The following ATP8B4 variants were observed in gnomAD, a reference collection of about 807,000 sequenced individuals.
ATP8B4 encodes probable phospholipid-transporting ATPase IM.
In ATP8B4, 133 loss-of-function variants were observed where a neutral mutation model predicts 145.6. The ratio of observed to expected loss-of-function variants is 0.91; its 90% CI spans 0.79 to 1.05. The LOEUF (loss-of-function observed/expected upper bound fraction) is 1.05. ATP8B4 is among the 50% of genes least tolerant of loss of function. The pLI, the probability that ATP8B4 is intolerant of heterozygous loss-of-function variation, is 0.00. For missense variants in ATP8B4, 1,458 were observed against 1,425.2 expected, an observed-to-expected ratio of 1.02 and a Z score of -0.37; for synonymous variants, 507 against 492.9, an observed-to-expected ratio of 1.03 and a Z score of -0.38.
At chr15:49,993,213 G>A (rs2047172003) in intron 9 of ATP8B4, among the ~76,000 whole-genome samples, 1 of 151,892 alleles carries the variant, frequency 6.6e-6, no homozygotes, top group South Asian at 2.1e-4. Flanking sequence ...TAAAAACAAA[G>A]ATAAAGAATG....
chr15:49,996,957 T>C (rs1033345125), intron 8 of ATP8B4, among the ~76,000 whole-genome samples, 198 bp from the exon 9 acceptor site: 3 of 152,158 alleles, frequency 2.0e-5, no homozygotes, highest in Non-Finnish European at 4.4e-5. Flanking sequence ...GTTGGCATTC[T>C]ACCCACGGCA....
chr15:49,989,922 T>C (rs537029712), intron 9 of ATP8B4, among the ~76,000 whole-genome samples: 56 of 152,274 alleles, frequency 3.7e-4, no homozygotes, highest in African/African-American at 1.3e-3. Context: ...TATTATACTA[T>C]CTACATAATA....
chr15:50,086,607 T>C (rs2055113607), intron 2 of ATP8B4, among the ~76,000 whole-genome samples: 1 of 115,612 alleles, frequency 8.6e-6, no homozygotes, highest in African/African-American at 3.8e-5. Flanking sequence ...TCTATATTTA[T>C]TATATATAAT....
At chr15:49,940,854 TA>T (rs2042110535) in intron 14 of ATP8B4, among the ~76,000 whole-genome samples, 1 of 152,158 alleles carries the variant, frequency 6.6e-6, no homozygotes, top group Non-Finnish European at 1.5e-5. Context: ...AATTGGTCAA[TA>T]ACATTTAGAT....
At chr15:49,953,850 C>T (rs1599394413) in intron 14 of ATP8B4, among the ~76,000 whole-genome samples, 1 of 152,270 alleles carries the variant, frequency 6.6e-6, no homozygotes, top group East Asian at 1.9e-4. Flanking sequence ...GTGGGTTGCA[C>T]AGTTCTGTGG....
At chr15:50,087,437 C>A (rs2055290670) in intron 2 of ATP8B4, among the ~76,000 whole-genome samples, 3 of 145,576 alleles carry the variant, frequency 2.1e-5, no homozygotes, top group Non-Finnish European at 4.5e-5. Context: ...ATATTTGATA[C>A]ATAATATATA....
chr15:49,925,213 TATAAGC>T (rs1327598556), intron 16 of ATP8B4, among the ~76,000 whole-genome samples: 14 of 152,116 alleles, frequency 9.2e-5, no homozygotes, highest in African/African-American at 3.4e-4. Context: ...AAATCTAACA[TATAAGC>T]ATAAATAACA....
intron 27 of ATP8B4, among the ~76,000 whole-genome samples, chr15:49,861,465 T>C (rs1279714568): frequency 7.5e-5 from 11 of 147,026 alleles, no homozygotes; most frequent in African/African-American, 2.7e-4. Context: ...TATCTATCTA[T>C]CTATCTATCT....
intron 26 of ATP8B4, among the ~76,000 whole-genome samples, chr15:49,864,628 G>T (rs933605646): frequency 3.3e-5 from 5 of 152,096 alleles, no homozygotes; most frequent in African/African-American, 9.7e-5. Context: ...ATAGACCAGA[G>T]GTATACTCTT....
chr15:50,047,438 A>G lies in ATP8B4; in HGVS notation c.114T>C (p.Tyr38=). 3 of 1,588,220 alleles carry G rather than the reference A, an allele frequency of 1.9e-6. No individual in the cohort carries two copies. The highest frequency in any genetic ancestry group is 2.6e-6 in the Non-Finnish European group (3 of 1,156,566). ...TAATTGGCAAGAAGGTGAGAATATT[A>G]TATTTCGATGTGTGGATACGATTAT... is the stretch of plus-strand genomic sequence containing the variant. The part of the protein sequence containing the change: ...YADNRIHTSK[Y]NILTFLPINL... The change falls in exon 4 of 28, where the codon TAT becomes TAC. Residue 38 remains tyrosine (Y), a synonymous_variant. Coordinates refer to ENST00000284509, the MANE Select transcript of ATP8B4 (RefSeq NM_024837.4).
At chr15:50,138,003 C>T (rs1007604503) in intron 1 of ATP8B4, among the ~76,000 whole-genome samples, 5 of 152,144 alleles carry the variant, frequency 3.3e-5, no homozygotes, top group African/African-American at 7.2e-5. Context: ...ACCTGCCAAC[C>T]GTAATGCTCA....
intron 1 of ATP8B4, among the ~76,000 whole-genome samples, chr15:50,149,283 CAA>C (rs1179865435): frequency 1.3e-5 from 2 of 152,186 alleles, no homozygotes; most frequent in African/African-American, 4.8e-5. Context: ...ACACAGAAGA[CAA>C]GAGAGAGTAA....
At chr15:49,979,524 C>T in intron 12 of ATP8B4, 93 bp downstream of exon 12, 2 of 1,044,202 alleles carry the variant, frequency 1.9e-6, no homozygotes, top group Non-Finnish European at 2.6e-6. Flanking sequence ...AAGAGCAAGA[C>T]ATCTATTGCA....
intron 8 of ATP8B4, among the ~76,000 whole-genome samples, chr15:50,000,812 T>C (rs2047826513): frequency 6.6e-6 from 1 of 152,184 alleles, no homozygotes; most frequent in South Asian, 2.1e-4. Flanking sequence ...CTCCTATTTT[T>C]TTCCTCAAAG....
intron 8 of ATP8B4, among the ~76,000 whole-genome samples, chr15:50,001,930 A>T (rs1204865393): frequency 6.6e-6 from 1 of 152,166 alleles, no homozygotes; most frequent in Admixed American, 6.5e-5. Flanking sequence ...TCTCTGTGTA[A>T]AGTTATTCCT....
chr15:50,044,004 T>C (rs1005126312), intron 5 of ATP8B4, among the ~76,000 whole-genome samples: 5 of 150,710 alleles, frequency 3.3e-5, no homozygotes, highest in African/African-American at 9.8e-5. Context: ...AAATATAACA[T>C]ACAAAATATG....
chr15:50,181,649 G>A (rs754199040), intron 1 of ATP8B4, among the ~76,000 whole-genome samples: 8 of 152,238 alleles, frequency 5.3e-5, no homozygotes, highest in Non-Finnish European at 1.0e-4. Flanking sequence ...GGCTTGGGAT[G>A]AGCTGGACGT....
intron 14 of ATP8B4, among the ~76,000 whole-genome samples, chr15:49,936,036 T>C (rs2041707871): frequency 6.6e-6 from 1 of 152,230 alleles, no homozygotes; most frequent in Non-Finnish European, 1.5e-5. Flanking sequence ...ACATTTGTGT[T>C]CTTTCCTGTA....
chr15:50,139,509 C>T (rs1019175891), intron 1 of ATP8B4, among the ~76,000 whole-genome samples: 11 of 152,124 alleles, frequency 7.2e-5, no homozygotes, highest in South Asian at 2.1e-4. Context: ...ACCTAGATGA[C>T]GGGTTGATAG....
Sources: allele counts gnomAD v4.1 joint callset (sites outside exome capture counted in the v4.1 genomes callset), GRCh38; gene constraint gnomAD v4.1.1; transcripts MANE v1.5; gene names NCBI Gene and HGNC (gene_info 2026-07-23, HGNC 2026-07-21).